The following XG variants were observed in gnomAD, a reference collection of about 807,000 sequenced individuals.
XG encodes glycoprotein Xg.
XG carries 24 observed loss-of-function variants against 25.7 expected under a neutral mutation model. That is an observed-to-expected ratio of 0.93 (90% CI 0.68 to 1.31). XG has a LOEUF of 1.31. Among genes scored for constraint, XG ranks in the 40% most tolerant of loss-of-function variants. XG has a pLI of 0.00. For missense variants in XG, 181 were observed against 187.6 expected (o/e 0.96, Z 0.21); for synonymous variants, 77 against 69.2 (o/e 1.11, Z -0.56).
intron 1 of XG, among the ~76,000 whole-genome samples, chrX:2,760,555 G>A (rs1323212897): frequency 2.1e-5 from 3 of 144,988 alleles, no homozygotes. Context: ...CTAACACGGT[G>A]AAACCCCATC....
intron 3 of XG, among the ~76,000 whole-genome samples, chrX:2,779,355 C>T (rs1422495087): frequency 6.8e-6 from 1 of 147,466 alleles, no homozygotes; most frequent in Non-Finnish European, 1.5e-5. Context: ...AAAAGCATAA[C>T]CTTTAAAAAT....
chrX:2,762,711 T>C (rs950854877), intron 1 of XG, among the ~76,000 whole-genome samples: 1 of 152,230 alleles, frequency 6.6e-6, no homozygotes, highest in African/African-American at 2.4e-5. Context: ...GCCTTCCTTG[T>C]CACTTTCTGT....
chrX:2,810,811 G>C (rs1185147536), intron 9 of XG, among the ~76,000 whole-genome samples: 4 of 111,162 alleles, frequency 3.6e-5, no homozygotes, highest in Non-Finnish European at 5.7e-5. Context: ...AGCTATTCGG[G>C]AGGCTGAGGC....
chrX:2,802,168 T>C (rs1232865688), intron 7 of XG, among the ~76,000 whole-genome samples: 1 of 111,070 alleles, frequency 9.0e-6, no homozygotes, highest in Non-Finnish European at 1.9e-5. Context: ...TTGCTTTTTT[T>C]TCTTTAAACA....
At chrX:2,772,269 T>C (rs311152) in intron 2 of XG, among the ~76,000 whole-genome samples, 76,037 of 151,962 alleles carry the variant, frequency 0.5, 19,624 homozygotes, top group African/African-American at 0.62. Context: ...TGTGTACCCA[T>C]GTTTGCAGCA....
At chrX:2,765,022 C>T (rs1441397163) in intron 1 of XG, among the ~76,000 whole-genome samples, 1 of 99,268 alleles carries the variant, frequency 1.0e-5, no homozygotes, top group East Asian at 3.4e-4. Context: ...GCCTGGGCAA[C>T]ATAGTGAGAT....
intron 9 of XG, among the ~76,000 whole-genome samples, chrX:2,808,863 G>A (rs2087028776): frequency 8.9e-6 from 1 of 111,753 alleles, no homozygotes; most frequent in African/African-American, 3.3e-5. Context: ...ATCATGCAGA[G>A]TACTAGTATC....
At position 2,808,673 on chromosome X, in the gene XG, T is replaced by G. The variant is rs143107673; in HGVS notation, c.454+453T>G. The stretch of plus-strand genomic sequence containing the variant: ...AACTTGAAGCCCAGAAGGCTGACTT[T>G]GTGTCCTGTATTGTTGGGAGAACAG... On this transcript the variant is annotated intron_variant, in intron 9 of 10. Transcript: ENST00000644266. 7.4e-4 allele frequency: 334 copies of G among 453,961 alleles called. 2 individuals carry two copies. The highest frequency in any genetic ancestry group is 7.3e-3 in the African/African-American group (277 of 37,717). The allele number at this position is 453,961 out of a possible 1,213,427, so 37.4% of individuals were successfully genotyped here. A position where few individuals can be genotyped will look rare whatever the true frequency, so the allele number is the denominator to read the frequency against.
At chrX:2,775,726 T>C (rs2050965768) in intron 3 of XG, among the ~76,000 whole-genome samples, 1 of 149,998 alleles carries the variant, frequency 6.7e-6, no homozygotes, top group Non-Finnish European at 1.5e-5. Flanking sequence ...AAGGCCGAGG[T>C]GGGCAGATCA....
intron 4 of XG, among the ~76,000 whole-genome samples, chrX:2,783,290 C>G (rs745442720): frequency 1.1e-5 from 1 of 90,159 alleles, no homozygotes; most frequent in Non-Finnish European, 2.0e-5. Flanking sequence ...ATTTATTACA[C>G]TCATCATTGA....
chrX:2,783,944 C>CAG (rs2086758328), intron 4 of XG, among the ~76,000 whole-genome samples: 1 of 112,057 alleles, frequency 8.9e-6, no homozygotes, highest in Non-Finnish European at 1.9e-5. Flanking sequence ...CACTGCACTC[C>CAG]AGCCGGGGAA....
rs765143270 is a variant in XG at position 2,782,105 on chromosome X, C to G, written c.167C>G (p.Pro56Arg). Reference sequence around the variant, plus strand: ...CCAAAACCACCTTACTACCCACAGCCCGAGAATCCCGACAGCGGTGGAAGT... The same window carrying G: ...CCAAAACCACCTTACTACCCACAGCGCGAGAATCCCGACAGCGGTGGAAGT... ...PKPKPPYYPQ[P>R]ENPDSGGNIY... is the part of the protein sequence containing the mutation. The change falls in exon 4 of 11, where the codon CCC becomes CGC. Residue 56 changes from proline to arginine, a missense_variant. Pro to Arg is a moderately radical substitution (Grantham distance 103, BLOSUM62 -2). Coordinates refer to ENST00000644266, the MANE Select transcript of XG (RefSeq NM_001141919.2). 7.4e-6 allele frequency: 9 copies of G among 1,210,246 alleles called. No homozygotes were observed. The East Asian group carries it at 2.7e-4, about 36-fold the overall frequency.
At chrX:2,757,939 T>C (rs2050470111) in intron 1 of XG, among the ~76,000 whole-genome samples, 1 of 125,530 alleles carries the variant, frequency 8.0e-6, no homozygotes, top group Non-Finnish European at 1.6e-5. Context: ...ACCACTGCAC[T>C]CCAGCCTGGG....
intron 1 of XG, among the ~76,000 whole-genome samples, chrX:2,758,609 G>A (rs2050488494): frequency 6.6e-6 from 1 of 152,164 alleles, no homozygotes; most frequent in South Asian, 2.1e-4. Context: ...TCTCAACCAG[G>A]GATCATGTTT....
At chrX:2,774,876 G>A (rs2050941220) in intron 3 of XG, 137 bp downstream of exon 3, 11 of 1,174,858 alleles carry the variant, frequency 9.4e-6, no homozygotes, top group Non-Finnish European at 2.5e-6. Context: ...AGCAGATATT[G>A]AAAGCAAAAT....
At chrX:2,753,692 C>T (rs780093820) in intron 1 of XG, among the ~76,000 whole-genome samples, 59 of 152,058 alleles carry the variant, frequency 3.9e-4, no homozygotes, top group African/African-American at 1.4e-3. Flanking sequence ...AAGCAATTCT[C>T]CTGCCTCAGC....
chrX:2,752,450 A>G lies in XG; in HGVS notation c.61+115A>G, dbSNP rs376267586. The G allele has an allele frequency of 1.6e-3, 2,327 of 1,417,650 alleles. 42 individuals are homozygous for G. The East Asian group carries it at 0.037, about 23-fold the overall frequency. 87.8% of individuals were successfully genotyped at this position (1,417,650 alleles called of 1,614,324 possible). The stretch of plus-strand genomic sequence containing the variant: ...GAAGTGAATGGGGATAATTTGCCCA[A>G]TGGGATTAGAAAGGAGACTAAGAGC... On this transcript the variant is annotated intron_variant, in intron 1 of 10. Transcript: ENST00000644266.
At position 2,752,296 on chromosome X, in the gene XG, C is replaced by T. The variant is rs1179053970; in HGVS notation, c.22C>T (p.Pro8Ser). MESWWGL[P>S]CLAFLCFLMH... Reference sequence around the variant, plus strand: ...AACCATGGAGAGCTGGTGGGGACTTCCCTGTCTTGCGTTCCTGTGTTTTCT... The same window carrying T: ...AACCATGGAGAGCTGGTGGGGACTTTCCTGTCTTGCGTTCCTGTGTTTTCT... The change falls in exon 1 of 11, where the codon CCC (proline) becomes TCC (serine). Residue 8 changes from proline to serine, a missense_variant. Pro to Ser is a moderately conservative substitution (Grantham distance 74). Coordinates refer to ENST00000644266, the MANE Select transcript of XG (RefSeq NM_001141919.2). 1 of 1,613,784 alleles carries T rather than the reference C, an allele frequency of 6.2e-7. No individual in the cohort carries two copies. The highest frequency in any genetic ancestry group is 8.5e-7 in the Non-Finnish European group (1 of 1,179,846).
At chrX:2,756,169 A>G (rs2050430199) in intron 1 of XG, among the ~76,000 whole-genome samples, 1 of 152,228 alleles carries the variant, frequency 6.6e-6, no homozygotes, top group South Asian at 2.1e-4. Context: ...TTGACATTTT[A>G]GCAGCCCTAC....
Sources: gnomAD v4.1 joint callset for allele counts (sites outside exome capture counted in the v4.1 genomes callset) on GRCh38, gnomAD v4.1.1 for gene constraint, MANE v1.5 for transcripts, NCBI Gene and HGNC (gene_info 2026-07-23, HGNC 2026-07-21) for gene names.